The following ATP2B2 variants were observed in gnomAD, a reference collection of about 807,000 sequenced individuals.
ATP2B2 encodes the protein ATPase plasma membrane Ca2+ transporting 2, also known as plasma membrane calcium-transporting ATPase 2.
Under a neutral mutation model 120.0 loss-of-function variants are expected in ATP2B2, and 15 were observed. That is an observed-to-expected ratio of 0.12 (90% CI 0.08 to 0.19). The LOEUF is 0.19. ATP2B2 is among the 10% of genes least tolerant of loss of function. ATP2B2 has a pLI of 1.00. For missense variants in ATP2B2, 1,045 were observed against 1,719.8 expected (o/e 0.61, Z 6.94); for synonymous variants, 694 against 700.3 (o/e 0.99, Z 0.14).
In ATP2B2 at chr3:10,343,579, G is replaced by C. The variant is rs2060346774; in HGVS notation, c.2704-614C>G. ...TAGGTCACCACTGTCCAGGTTCTGG[G>C]AGGGACCCTTTCAGACCTGTCTCTT... On this transcript the variant is annotated intron_variant, in intron 18 of 22. Coordinates refer to ENST00000360273, the MANE Select transcript of ATP2B2 (RefSeq NM_001001331.4). The surrounding 1 kb of genome is among the most constrained non-coding windows in gnomAD (Gnocchi z 4.2). Among the ~76,000 whole-genome samples, 1 of 152,138 alleles carries C rather than the reference G, an allele frequency of 6.6e-6. No individual in the cohort carries two copies. Among genetic ancestry groups the C allele is most frequent in the Admixed American group, 6.5e-5 (1 of 15,282 alleles).
chr3:10,348,790 C>T (rs559761851), intron 16 of ATP2B2, among the ~76,000 whole-genome samples: 49 of 152,352 alleles, frequency 3.2e-4, no homozygotes, highest in African/African-American at 9.4e-4. Flanking sequence ...ATGCCTGCTG[C>T]GTGCAGCCTG....
At chr3:10,338,451 C>T in intron 21 of ATP2B2, 93 bp from the exon 22 acceptor site, 2 of 1,380,580 alleles carry the variant, frequency 1.4e-6, no homozygotes, top group Non-Finnish European at 1.0e-6. Flanking sequence ...CTCCTCCTAC[C>T]CGCTCACCCA....
intron 2 of ATP2B2, among the ~76,000 whole-genome samples, chr3:10,548,128 G>GC (rs1424719392): frequency 4.6e-5 from 7 of 152,232 alleles, no homozygotes; most frequent in Admixed American, 1.3e-4. Flanking sequence ...AGGTTCTAAG[G>GC]AGTAGAGCCC....
intron 2 of ATP2B2, among the ~76,000 whole-genome samples, chr3:10,602,157 C>T (rs373548912): frequency 2.0e-5 from 3 of 152,332 alleles, no homozygotes; most frequent in Non-Finnish European, 4.4e-5. Flanking sequence ...CCTCTGCCCC[C>T]TCCCTGCCCT....
chr3:10,576,746 C>T (rs890038377), intron 2 of ATP2B2, among the ~76,000 whole-genome samples: 5 of 151,830 alleles, frequency 3.3e-5, no homozygotes, highest in Admixed American at 6.6e-5. Flanking sequence ...CTTGGCATAA[C>T]GTGGGAGGCT....
intron 3 of ATP2B2, among the ~76,000 whole-genome samples, chr3:10,403,607 G>A (rs936736603): frequency 2.0e-4 from 30 of 152,220 alleles, no homozygotes; most frequent in Non-Finnish European, 5.9e-5. Context: ...TCTGGGACCT[G>A]GGGAGCGGCC....
intron 1 of ATP2B2, among the ~76,000 whole-genome samples, chr3:10,488,523 C>G (rs559790951): frequency 2.1e-5 from 3 of 140,168 alleles, no homozygotes; most frequent in South Asian, 4.5e-4. Context: ...TCCTTCCTTC[C>G]TTCCTTCTTT....
intron 2 of ATP2B2, among the ~76,000 whole-genome samples, chr3:10,576,240 C>T (rs2068244070): frequency 6.6e-6 from 1 of 152,222 alleles, no homozygotes; most frequent in Admixed American, 6.5e-5. Context: ...ATGTCCTGCG[C>T]ACACTCGGCA....
At chr3:10,429,440 T>A (rs1575199437) in intron 2 of ATP2B2, among the ~76,000 whole-genome samples, 1 of 152,236 alleles carries the variant, frequency 6.6e-6, no homozygotes, top group South Asian at 2.1e-4. Context: ...TCAAACTTTT[T>A]CATGATGATT....
chr3:10,497,828 C>T (rs1424072297), intron 1 of ATP2B2, among the ~76,000 whole-genome samples: 5 of 152,196 alleles, frequency 3.3e-5, no homozygotes, highest in African/African-American at 4.8e-5. Flanking sequence ...GCCGACTTCT[C>T]ACAGCTGCTC....
At chr3:10,596,997 A>ACACGCAGGTGCACG (rs1559477934) in intron 2 of ATP2B2, among the ~76,000 whole-genome samples, 2 of 150,046 alleles carry the variant, frequency 1.3e-5, no homozygotes, top group African/African-American at 5.0e-5. Flanking sequence ...GCAGGTGCAC[A>ACACGCAGGTGCACG]CGCACACAGG....
At chr3:10,585,926 C>A (rs1358662878) in intron 2 of ATP2B2, among the ~76,000 whole-genome samples, 2 of 152,216 alleles carry the variant, frequency 1.3e-5, no homozygotes, top group Non-Finnish European at 2.9e-5. Flanking sequence ...TCTCCAAACT[C>A]TCTGTTTAAC....
intron 1 of ATP2B2, among the ~76,000 whole-genome samples, chr3:10,632,997 G>GCCTTGCTGTCA: frequency 6.6e-6 from 1 of 152,230 alleles, no homozygotes; most frequent in Admixed American, 6.5e-5. Context: ...CTTCTGACCA[G>GCCTTGCTGTCA]GCCCTCAGAC....
intron 1 of ATP2B2, among the ~76,000 whole-genome samples, chr3:10,684,153 A>T (rs1252363672): frequency 6.6e-6 from 1 of 152,136 alleles, no homozygotes; most frequent in African/African-American, 2.4e-5. Context: ...ATCCTGTGGT[A>T]CTCAATGATT....
intron 19 of ATP2B2, among the ~76,000 whole-genome samples, chr3:10,341,530 C>T (rs1161518108): frequency 1.3e-5 from 2 of 152,138 alleles, no homozygotes; most frequent in Admixed American, 6.5e-5. Flanking sequence ...ATGCTGGTCT[C>T]GAATTCCTGA....
At chr3:10,579,328 G>A (rs190895573) in intron 2 of ATP2B2, among the ~76,000 whole-genome samples, 2 of 152,322 alleles carry the variant, frequency 1.3e-5, no homozygotes, top group Admixed American at 6.5e-5. Flanking sequence ...AACAGGGCTC[G>A]CCTCCTGAGT....
At chr3:10,624,030 A>C (rs1247933147) in intron 1 of ATP2B2, among the ~76,000 whole-genome samples, 1 of 152,186 alleles carries the variant, frequency 6.6e-6, no homozygotes, top group Non-Finnish European at 1.5e-5. Context: ...GGGGAGCACT[A>C]GTCTTTCAAG....
intron 1 of ATP2B2, among the ~76,000 whole-genome samples, chr3:10,692,739 G>A (rs2125714993): frequency 6.6e-6 from 1 of 152,348 alleles, no homozygotes; most frequent in South Asian, 2.1e-4. Flanking sequence ...AGTTTATGAG[G>A]ACAGCATTAG....
chr3:10,673,198 G>C (rs1054032483), intron 1 of ATP2B2, among the ~76,000 whole-genome samples: 1 of 151,976 alleles, frequency 6.6e-6, no homozygotes, highest in African/African-American at 2.4e-5. Context: ...CAAATGCATC[G>C]GCTGCCTGAA....
Sources: gnomAD v4.1 joint callset for allele counts (sites outside exome capture counted in the v4.1 genomes callset) on GRCh38, gnomAD v4.1.1 for gene constraint, Gnocchi (gnomAD v3.1) non-coding constraint, MANE v1.5 for transcripts, NCBI Gene and HGNC (gene_info 2026-07-23, HGNC 2026-07-21) for gene names.